TSGA10IP: variants seen among roughly 807,000 people sequenced by gnomAD.
The protein encoded by TSGA10IP is testis specific 10 interacting protein, also known as testis-specific protein 10-interacting protein.
A neutral mutation model predicts 63.2 loss-of-function variants in TSGA10IP; 64 were observed. The ratio of observed to expected loss-of-function variants is 1.01; its 90% CI spans 0.83 to 1.25. The LOEUF (loss-of-function observed/expected upper bound fraction) is 1.25, where lower values mean the gene tolerates loss of function less well. TSGA10IP is among the 50% of genes most tolerant of loss of function. The pLI is 0.00. For synonymous variants in TSGA10IP, 316 were observed against 298.3 expected, an observed-to-expected ratio of 1.06 and a Z score of -0.61; for missense variants, 681 against 710.1, an observed-to-expected ratio of 0.96 and a Z score of 0.47.
rs754299734 is a variant in TSGA10IP, at chr11:65,947,600, G to A, written c.775G>A (p.Gly259Arg). 8.1e-6 allele frequency: 13 copies of A among 1,613,760 alleles called. No individual in the cohort carries two copies. In the African/African-American group the frequency reaches 1.6e-4, roughly 20 times the overall value. Residue 259 changes from glycine (G) to arginine (R), a missense_variant, in exon 3 of 8, where the codon GGA becomes AGA. Coordinates refer to ENST00000532620, the Ensembl canonical transcript of TSGA10IP. The stretch of plus-strand genomic sequence containing the variant: ...AGAGGCCACAGAGGAGGCTGAGGAG[G>A]GAGAGCACAGGACTCCCTGCAGAAG...
chr11:65,952,723 A>G (rs1854961822), intron 4 of TSGA10IP, among the ~76,000 whole-genome samples: 1 of 151,804 alleles, frequency 6.6e-6, no homozygotes, highest in Non-Finnish European at 1.5e-5. Flanking sequence ...TTGTGTATAT[A>G]TACCATGTTG....
intron 3 of TSGA10IP, 57 bp downstream of exon 3, chr11:65,947,885 A>G: frequency 6.6e-7 from 1 of 1,510,750 alleles, no homozygotes; most frequent in South Asian, 1.3e-5. Flanking sequence ...GGGAACAGGG[A>G]GCAGTCAGGG....
chr11:65,947,062 C>T (rs2134862165), intron 2 of TSGA10IP, 46 bp downstream of exon 2: 2 of 1,610,254 alleles, frequency 1.2e-6, no homozygotes, highest in Non-Finnish European at 1.7e-6. Flanking sequence ...GGGTCAGGGC[C>T]CTCTGGGGGC....
intron 4 of TSGA10IP, among the ~76,000 whole-genome samples, chr11:65,949,453 G>A (rs953736308): frequency 6.8e-6 from 1 of 147,400 alleles, no homozygotes; most frequent in Non-Finnish European, 1.5e-5. Context: ...GTCTCACTCT[G>A]TTGCCCAGGC....
intron 1 of TSGA10IP, among the ~76,000 whole-genome samples, chr11:65,946,416 C>CAGA (rs1854834856): frequency 6.6e-6 from 1 of 151,694 alleles, no homozygotes; most frequent in African/African-American, 2.4e-5. Context: ...GGAGGTGGTG[C>CAGA]TCGGTCGGGT....
At chr11:65,954,168 CTTTT>C (rs762331435) in intron 5 of TSGA10IP, among the ~76,000 whole-genome samples, 1 of 141,908 alleles carries the variant, frequency 7.0e-6, no homozygotes, top group Admixed American at 7.1e-5. Context: ...GACCATTTTC[CTTTT>C]TTTTTTTTTT....
chr11:65,947,280 C>A (rs750195268), exon 3 of TSGA10IP: 2 of 1,612,116 alleles, frequency 1.2e-6, no homozygotes, highest in Admixed American at 3.3e-5. Flanking sequence ...AAGTCCACGG[C>A]CAACCTCCCA....
rs369693667 is a variant in TSGA10IP, at chr11:65,958,974, G to T, written c.1414G>T (p.Ala472Ser). 27 of 1,613,026 alleles carry T rather than the reference G, an allele frequency of 1.7e-5. No individual in the cohort carries two copies. Among genetic ancestry groups the T allele is most frequent in the Non-Finnish European group, 2.3e-5 (27 of 1,179,822 alleles). The change falls in exon 6 of 8, where the codon GCT (alanine) becomes TCT (serine). Residue 472 changes from alanine to serine, a missense_variant. By Grantham distance (99) the Ala-to-Ser change is moderately conservative (BLOSUM62 1). Transcript: ENST00000532620. ...GGCCCGGCCCTTCCTGTTCCAGCAG[G>T]CTATGCAGGTGAGGCTGGCACCTGG...
At chr11:65,952,505 G>A (rs1854958897) in intron 4 of TSGA10IP, among the ~76,000 whole-genome samples, 1 of 151,966 alleles carries the variant, frequency 6.6e-6, no homozygotes, top group South Asian at 2.1e-4. Flanking sequence ...CTGGAATGCA[G>A]TGGCTCAATC....
exon 3 of TSGA10IP, chr11:65,947,519 G>T: frequency 6.2e-7 from 1 of 1,613,638 alleles, no homozygotes; most frequent in Non-Finnish European, 8.5e-7. Flanking sequence ...TCTGAGTTCT[G>T]GGGTGCTGCC....
At chr11:65,954,102 A>G (rs553259245) in intron 5 of TSGA10IP, among the ~76,000 whole-genome samples, 2 of 152,252 alleles carry the variant, frequency 1.3e-5, no homozygotes, top group East Asian at 3.9e-4. Context: ...ACTCTGGGAG[A>G]CAACCATTGT....
chr11:65,956,312 T>C (rs1165693438), intron 5 of TSGA10IP, among the ~76,000 whole-genome samples: 1 of 151,564 alleles, frequency 6.6e-6, no homozygotes, highest in Non-Finnish European at 1.5e-5. Flanking sequence ...TAATTTTGTA[T>C]TTTTAGTACA....
At chr11:65,951,688 C>G (rs1215034495) in intron 4 of TSGA10IP, among the ~76,000 whole-genome samples, 2 of 148,674 alleles carry the variant, frequency 1.3e-5, no homozygotes, top group East Asian at 4.0e-4. Flanking sequence ...CAGGTGCATG[C>G]CACCACATCC....
chr11:65,955,223 G>T (rs1255242604), intron 5 of TSGA10IP, among the ~76,000 whole-genome samples: 1 of 152,080 alleles, frequency 6.6e-6, no homozygotes, highest in African/African-American at 2.4e-5. Flanking sequence ...ATGAATAAGG[G>T]GCTTTTGTTT....
chr11:65,946,982 A>T, exon 2 of TSGA10IP: 1 of 1,613,994 alleles, frequency 6.2e-7, no homozygotes, highest in Non-Finnish European at 8.5e-7. Context: ...CAGGGGCCAG[A>T]GCAAGAAAGG....
intron 3 of TSGA10IP, 32 bp from the exon 4 acceptor site, chr11:65,947,969 G>A (rs368342680): frequency 1.2e-5 from 19 of 1,546,206 alleles, no homozygotes; most frequent in Admixed American, 2.0e-5. Flanking sequence ...AGAGGGAGAG[G>A]GCAGCCCCTG....
chr11:65,951,754 C>T (rs1854946174), intron 4 of TSGA10IP, among the ~76,000 whole-genome samples: 1 of 151,306 alleles, frequency 6.6e-6, no homozygotes, highest in African/African-American at 2.4e-5. Flanking sequence ...GCTATGTGGC[C>T]CAGGCTGGTC....
Position 65,945,731 on chromosome 11 carries a change from C to CG in TSGA10IP, c.58dup (p.Val20GlyfsTer37). 6.2e-7 allele frequency: 1 copy of CG among 1,610,752 alleles called. No homozygotes were observed. On this transcript the variant is annotated frameshift_variant, in exon 1 of 8. Transcript: ENST00000532620. LOFTEE classifies it high-confidence loss of function. Reference sequence around the variant, plus strand: ...TACCAACAGTTGGTTAGGACCCCGTCGGTGCGACCAGGGCAGGACGTGCGG... The same window carrying CG: ...TACCAACAGTTGGTTAGGACCCCGTCGGGTGCGACCAGGGCAGGACGTGCGG...
chr11:65,957,123 T>C (rs760704589), intron 5 of TSGA10IP, among the ~76,000 whole-genome samples: 1 of 152,150 alleles, frequency 6.6e-6, no homozygotes, highest in East Asian at 1.9e-4. Context: ...CTGACACCCA[T>C]AGGCACCACT....
Sources: gnomAD v4.1 joint callset for allele counts (sites outside exome capture counted in the v4.1 genomes callset) on GRCh38, gnomAD v4.1.1 for gene constraint, MANE v1.5 for transcripts, NCBI Gene and HGNC (gene_info 2026-07-23, HGNC 2026-07-21) for gene names.